The following FAM3B variants were observed in gnomAD, a reference collection of about 807,000 sequenced individuals.
FAM3B encodes the protein FAM3 metabolism regulating signaling molecule B, also known as protein FAM3B.
FAM3B carries 29 observed loss-of-function variants against 28.4 expected under a neutral mutation model. That is an observed-to-expected ratio of 1.02 (90% CI 0.76 to 1.39). The LOEUF is 1.39. Ranked by LOEUF, FAM3B falls within the 40% of genes most tolerant of loss-of-function variation. The probability of loss-of-function intolerance (pLI) is 0.00; values close to 1 mark genes in which losing one functional copy is unlikely to be tolerated. For synonymous variants in FAM3B, 91 were observed against 103.0 expected, an observed-to-expected ratio of 0.88 and a Z score of 0.71; for missense variants, 266 against 293.9, an observed-to-expected ratio of 0.91 and a Z score of 0.69.
At chr21:41,339,101 CAATATTTTGGG>C (rs762493714) in intron 3 of FAM3B, among the ~76,000 whole-genome samples, 152 of 152,282 alleles carry the variant, frequency 1.0e-3, no homozygotes, top group South Asian at 2.5e-3. Flanking sequence ...TACACTTCTT[CAATATTTTGGG>C]AAAATCCATA....
At chr21:41,355,883 C>G (rs2089160682) in intron 7 of FAM3B, among the ~76,000 whole-genome samples, 1 of 152,032 alleles carries the variant, frequency 6.6e-6, no homozygotes, top group South Asian at 2.1e-4. Flanking sequence ...TACTGGAATT[C>G]CAAGGTTATT....
At chr21:41,332,985 G>A (rs1405060440) in intron 2 of FAM3B, among the ~76,000 whole-genome samples, 1 of 151,264 alleles carries the variant, frequency 6.6e-6, no homozygotes, top group Non-Finnish European at 1.5e-5. Flanking sequence ...TTTGGGCTTA[G>A]TTTGTTCTTC....
rs145587801 is a variant in FAM3B, at chr21:41,345,372, C to T, written c.347-314C>T. Among the ~76,000 whole-genome samples the T allele has an allele frequency of 7.8e-3, 1,143 of 145,746 alleles. 65 individuals are homozygous for T. The highest frequency in any genetic ancestry group is 0.069 in the Admixed American group (1,007 of 14,512). ...GCTCTGGTGTTTCTGTGGGATGAGG[C>T]GGGTGGGCCTGAGTGAGGGGTCTCT... On this transcript the variant is annotated intron_variant, in intron 4 of 7. Coordinates refer to ENST00000357985, the MANE Select transcript of FAM3B (RefSeq NM_058186.4).
chr21:41,352,134 C>G (rs1446057862), intron 7 of FAM3B, among the ~76,000 whole-genome samples: 3 of 152,196 alleles, frequency 2.0e-5, no homozygotes, highest in African/African-American at 7.2e-5. Flanking sequence ...CCCACTCAGC[C>G]CCTCCCATGC....
chr21:41,353,225 A>T (rs80071083), intron 7 of FAM3B, among the ~76,000 whole-genome samples: 3,996 of 152,352 alleles, frequency 0.026, 67 homozygotes, highest in Non-Finnish European at 0.041. Context: ...TAAGATGTCA[A>T]TACTTTCTTA....
chr21:41,339,224 AT>A (rs1198087811), intron 3 of FAM3B, among the ~76,000 whole-genome samples: 1 of 152,174 alleles, frequency 6.6e-6, no homozygotes, highest in Non-Finnish European at 1.5e-5. Context: ...TGCAAATTTA[AT>A]TGATGTAATA....
intron 4 of FAM3B, among the ~76,000 whole-genome samples, 169 bp from the exon 5 acceptor site, chr21:41,345,517 G>A (rs1376135135): frequency 6.6e-6 from 1 of 152,128 alleles, no homozygotes; most frequent in African/African-American, 2.4e-5. Context: ...CCTGGTTTTG[G>A]GGACTCTCCT....
intron 3 of FAM3B, among the ~76,000 whole-genome samples, chr21:41,341,250 C>T (rs987536991): frequency 2.6e-4 from 40 of 152,228 alleles, no homozygotes; most frequent in African/African-American, 9.4e-4. Context: ...ACTAGTTCTG[C>T]ACTGATAGGC....
chr21:41,340,422 G>C (rs1036883211), intron 3 of FAM3B, among the ~76,000 whole-genome samples: 2 of 152,096 alleles, frequency 1.3e-5, no homozygotes, highest in African/African-American at 4.8e-5. Flanking sequence ...AAAGTGCTGG[G>C]ATTACAGGCA....
chr21:41,313,657 A>G (rs2088727674), upstream of FAM3B, among the ~76,000 whole-genome samples: 1 of 45,838 alleles, frequency 2.2e-5, no homozygotes, highest in Non-Finnish European at 3.9e-5. Flanking sequence ...GTATGTATGC[A>G]TGTCGCATTT....
rs2089174120 is a variant in FAM3B at position 41,357,128 on chromosome 21, G to A, written c.639G>A (p.Lys213=). The change falls in exon 8 of 8, where the codon AAG becomes AAA. Residue 213 remains lysine (K), a synonymous_variant. Transcript: ENST00000357985. ...QREKINHSDA[K]NNRYSGWPAE... is the part of the protein sequence containing the mutation. ...CACAGATCAACCACTCTGATGCTAA[G>A]AACAACAGATATTCTGGCTGGCCTG... 6.2e-7 allele frequency: 1 copy of A among 1,612,738 alleles called. No individual in the cohort carries two copies. Among genetic ancestry groups the A allele is most frequent in the Non-Finnish European group, 8.5e-7 (1 of 1,179,366 alleles).
intron 7 of FAM3B, among the ~76,000 whole-genome samples, chr21:41,355,598 A>G (rs2089158303): frequency 1.3e-5 from 2 of 152,214 alleles, no homozygotes; most frequent in Admixed American, 1.3e-4. Flanking sequence ...GTCACATATT[A>G]TGTGATTCCA....
At chr21:41,305,657 A>T (rs2123681215) in intron 1 of FAM3B, among the ~76,000 whole-genome samples, 1 of 152,358 alleles carries the variant, frequency 6.6e-6, no homozygotes, top group African/African-American at 2.4e-5. Context: ...TTACTCCATT[A>T]AGTGTGAAAT....
chr21:41,317,532 G>T (rs1470294020), intron 1 of FAM3B, among the ~76,000 whole-genome samples: 1 of 152,072 alleles, frequency 6.6e-6, no homozygotes, highest in African/African-American at 2.4e-5. Flanking sequence ...GACCATCTCG[G>T]GTCCTGGTGT....
At chr21:41,310,626 C>T (rs1292363301) in intron 1 of FAM3B, among the ~76,000 whole-genome samples, 2 of 152,192 alleles carry the variant, frequency 1.3e-5, no homozygotes, top group African/African-American at 2.4e-5. Context: ...AATGAGCACA[C>T]CCTTCTCCCA....
At position 41,323,074 on chromosome 21, in the gene FAM3B, C is replaced by T. The variant is rs1289151513; in HGVS notation, c.163+8C>T. ...AGAGGCCTGTCCTCAAAGGTGAGTG[C>T]CGTGCTTGGGGCAGACGGCTGCCTT... On this transcript the variant is annotated splice_region_variant and intron_variant, in intron 2 of 7. Transcript: ENST00000357985. 6 of 1,602,252 alleles carry T rather than the reference C, an allele frequency of 3.7e-6. No individual in the cohort carries two copies. Among genetic ancestry groups the T allele is most frequent in the Admixed American group, 1.7e-5 (1 of 60,016 alleles).
At chr21:41,318,162 A>G (rs575443978) in intron 1 of FAM3B, among the ~76,000 whole-genome samples, 5 of 152,210 alleles carry the variant, frequency 3.3e-5, no homozygotes, top group African/African-American at 1.2e-4. Flanking sequence ...AAGCTTCGAG[A>G]TGACACCAGG....
chr21:41,329,181 C>G lies in FAM3B; in HGVS notation c.163+6115C>G, dbSNP rs535880371. Among the ~76,000 whole-genome samples, 8 of 152,332 alleles carry G rather than the reference C, an allele frequency of 5.3e-5. No homozygotes were observed. In the South Asian group the frequency reaches 1.4e-3, roughly 28 times the overall value. On this transcript the variant is annotated intron_variant, in intron 2 of 7. Transcript: ENST00000357985. The stretch of plus-strand genomic sequence containing the variant: ...GTGTATACAATACAGTAGTTCCCCC[C>G]ACTTATCTGTGGTTTTGCTTTCTCT...
chr21:41,348,869 C>T, intron 7 of FAM3B, 145 bp downstream of exon 7: 2 of 904,710 alleles, frequency 2.2e-6, no homozygotes, highest in Non-Finnish European at 3.4e-6. Context: ...TAGATCCGGA[C>T]AGAAGTTTCA....
Sources: gnomAD v4.1 joint callset for allele counts (sites outside exome capture counted in the v4.1 genomes callset) on GRCh38, gnomAD v4.1.1 for gene constraint, MANE v1.5 for transcripts, NCBI Gene and HGNC (gene_info 2026-07-23, HGNC 2026-07-21) for gene names.